Variants in ADAMTSL1 observed in about 807,000 individuals in gnomAD.
The protein encoded by ADAMTSL1 is ADAMTS like 1.
ADAMTSL1 carries 126 observed loss-of-function variants against 201.8 expected under a neutral mutation model. The ratio of observed to expected loss-of-function variants is 0.62; its 90% CI spans 0.54 to 0.72. ADAMTSL1 has a LOEUF of 0.72. ADAMTSL1 is among the 30% of genes least tolerant of loss of function. The pLI, the probability that ADAMTSL1 is intolerant of heterozygous loss-of-function variation, is 0.00. For synonymous variants in ADAMTSL1, 1,121 were observed against 903.4 expected, an observed-to-expected ratio of 1.24 and a Z score of -4.32; for missense variants, 2,679 against 2,277.8, an observed-to-expected ratio of 1.18 and a Z score of -3.59.
At chr9:18,569,175 G>A (rs1166042491) in intron 3 of ADAMTSL1, among the ~76,000 whole-genome samples, 7 of 152,118 alleles carry the variant, frequency 4.6e-5, no homozygotes, top group Admixed American at 4.6e-4. Flanking sequence ...GGACATCTGG[G>A]ATCCATCTTA....
At chr9:18,786,600 C>T (rs1821720941) in intron 19 of ADAMTSL1, among the ~76,000 whole-genome samples, 1 of 152,188 alleles carries the variant, frequency 6.6e-6, no homozygotes. Context: ...TTGCCAGTAT[C>T]CAAAATCATT....
At position 18,772,088 on chromosome 9, in the gene ADAMTSL1, T is replaced by TTG. The variant is rs1474279417; in HGVS notation, c.2397+1318_2397+1319dup. Among the ~76,000 whole-genome samples the TTG allele has an allele frequency of 2.6e-5, 4 of 152,180 alleles. No homozygotes were observed. The South Asian group carries it at 6.2e-4, about 24-fold the overall frequency. ...GTGTGTAAAATGAGCATGTGTACATTTGTGTGTGTGTGCATGTGCATGTTA... is the reference window on the plus strand; with the variant it reads ...GTGTGTAAAATGAGCATGTGTACATTTGTGTGTGTGTGTGCATGTGCATGTTA... On this transcript the variant is annotated intron_variant, in intron 17 of 28. Coordinates refer to ENST00000380548, the MANE Select transcript of ADAMTSL1 (RefSeq NM_001040272.6).
chr9:18,284,964 C>G (rs1360020963), intron 2 of ADAMTSL1, among the ~76,000 whole-genome samples: 1 of 152,134 alleles, frequency 6.6e-6, no homozygotes, highest in Non-Finnish European at 1.5e-5. Flanking sequence ...ATTTTGGTCA[C>G]TTTCAATGTT....
intron 1 of ADAMTSL1, among the ~76,000 whole-genome samples, chr9:18,155,021 A>G (rs1827089650): frequency 6.6e-6 from 1 of 152,030 alleles, no homozygotes; most frequent in South Asian, 2.1e-4. Context: ...TGAGTCACAG[A>G]TATAAGAATT....
intron 2 of ADAMTSL1, among the ~76,000 whole-genome samples, chr9:18,363,398 T>G (rs2791442): frequency 6.6e-6 from 1 of 152,112 alleles, no homozygotes; most frequent in Non-Finnish European, 1.5e-5. Flanking sequence ...CAGGATTTAA[T>G]TAATTCTTTG....
chr9:18,314,068 G>T (rs747826995), intron 2 of ADAMTSL1, among the ~76,000 whole-genome samples: 20 of 152,236 alleles, frequency 1.3e-4, no homozygotes, highest in South Asian at 2.1e-4. Flanking sequence ...ACGCCAACAG[G>T]TATGTGAGAA....
Position 18,050,057 on chromosome 9 carries a change from G to A in ADAMTSL1, c.88-113805G>A, listed in dbSNP as rs145336300. On this transcript the variant is annotated intron_variant, in intron 1 of 29. Coordinates refer to the ADAMTSL1 transcript ENST00000680146. ...ATGTTTACATATTCCTTGAAAGAAA[G>A]TTTAATGACTTTAGTCATCCAGTGG... Among the ~76,000 whole-genome samples the A allele has an allele frequency of 1.7e-3, 256 of 152,304 alleles. 3 individuals carry two copies. Among genetic ancestry groups the A allele is most frequent in the Admixed American group, 9.0e-3 (138 of 15,292 alleles).
intron 2 of ADAMTSL1, among the ~76,000 whole-genome samples, chr9:18,389,219 G>C (rs1049139194): frequency 2.0e-5 from 3 of 150,116 alleles, no homozygotes; most frequent in African/African-American, 7.4e-5. Context: ...CAGAGTTTCA[G>C]ATTCTTTGCT....
chr9:18,469,076 C>G (rs1424980297), intron 2 of ADAMTSL1, among the ~76,000 whole-genome samples: 2 of 152,212 alleles, frequency 1.3e-5, no homozygotes, highest in East Asian at 1.9e-4. Flanking sequence ...TCTGCTTACT[C>G]TGTTCTCCAC....
intron 2 of ADAMTSL1, among the ~76,000 whole-genome samples, chr9:18,244,088 TG>T (rs1195538836): frequency 2.9e-4 from 7 of 23,762 alleles, no homozygotes; most frequent in African/African-American, 8.4e-4. Flanking sequence ...GAAATGATTT[TG>T]TGTGTGTGTG....
chr9:18,241,190 C>A (rs1026226102), intron 2 of ADAMTSL1, among the ~76,000 whole-genome samples: 2 of 152,116 alleles, frequency 1.3e-5, no homozygotes, highest in Admixed American at 6.5e-5. Context: ...GACATGTCTT[C>A]CTCACTAAGG....
At chr9:18,066,808 TA>T (rs1465189711) in intron 1 of ADAMTSL1, among the ~76,000 whole-genome samples, 2 of 152,156 alleles carry the variant, frequency 1.3e-5, no homozygotes, top group African/African-American at 4.8e-5. Context: ...TATGCAGCCA[TA>T]AAAAATGATG....
intron 14 of ADAMTSL1, among the ~76,000 whole-genome samples, chr9:18,714,133 C>G (rs1375656654): frequency 6.6e-6 from 1 of 152,088 alleles, no homozygotes; most frequent in Non-Finnish European, 1.5e-5. Context: ...ACTAAATGCC[C>G]ACAAGAGAAA....
chr9:18,012,236 T>C (rs1023718886), intron 1 of ADAMTSL1, among the ~76,000 whole-genome samples: 1 of 151,994 alleles, frequency 6.6e-6, no homozygotes, highest in African/African-American at 2.4e-5. Context: ...GGGTGGTGGC[T>C]TCTAACAGAT....
intron 1 of ADAMTSL1, among the ~76,000 whole-genome samples, chr9:18,133,414 A>G (rs1826029818): frequency 6.6e-6 from 1 of 152,206 alleles, no homozygotes; most frequent in Non-Finnish European, 1.5e-5. Context: ...TGGGTGGGCC[A>G]GGGTCTGGGC....
At chr9:17,967,461 A>T (rs1818022127) in intron 1 of ADAMTSL1, among the ~76,000 whole-genome samples, 1 of 152,170 alleles carries the variant, frequency 6.6e-6, no homozygotes, top group South Asian at 2.1e-4. Context: ...ATACCAGCTA[A>T]CATTCATTGA....
chr9:18,753,140 G>A (rs554971186), intron 15 of ADAMTSL1, among the ~76,000 whole-genome samples, 158 bp from the exon 16 acceptor site: 1 of 152,352 alleles, frequency 6.6e-6, no homozygotes, highest in South Asian at 2.1e-4. Context: ...CATTAAGGGA[G>A]AGGATAGATT....
chr9:18,269,093 T>C lies in ADAMTSL1; in HGVS notation c.207+105112T>C, dbSNP rs568792744. Among the ~76,000 whole-genome samples, 8 of 152,266 alleles carry C rather than the reference T, an allele frequency of 5.3e-5. 1 individual carries two copies. In the South Asian group the frequency reaches 1.7e-3, roughly 32 times the overall value. ...TAAAATAAGAAGAAAACCAGATATA[T>C]GTTAATTTTTAGTAAGCATTTACCT... is the stretch of plus-strand genomic sequence containing the variant. On this transcript the variant is annotated intron_variant, in intron 2 of 29. Transcript: ENST00000680146.
At chr9:18,149,465 T>C (rs1048045350) in intron 1 of ADAMTSL1, among the ~76,000 whole-genome samples, 2 of 151,974 alleles carry the variant, frequency 1.3e-5, no homozygotes, top group African/African-American at 2.4e-5. Flanking sequence ...ATCTAGATAA[T>C]TGTAGAAAAG....
Sources: gnomAD v4.1 joint callset for allele counts (sites outside exome capture counted in the v4.1 genomes callset) on GRCh38, gnomAD v4.1.1 for gene constraint, MANE v1.5 for transcripts, NCBI Gene and HGNC (gene_info 2026-07-23, HGNC 2026-07-21) for gene names.